CAMTA1: variants seen among roughly 807,000 people sequenced by gnomAD.
CAMTA1 encodes calmodulin-binding transcription activator 1.
In CAMTA1, 27 loss-of-function variants were observed where a neutral mutation model predicts 170.9. The ratio of observed to expected loss-of-function variants is 0.16; its 90% CI spans 0.12 to 0.22. CAMTA1 has a LOEUF of 0.22. CAMTA1 is among the 10% of genes least tolerant of loss of function. CAMTA1 has a pLI of 1.00. For synonymous variants in CAMTA1, 833 were observed against 891.5 expected (o/e 0.93, Z 1.17); for missense variants, 1,619 against 2,217.2 (o/e 0.73, Z 5.42).
intron 6 of CAMTA1, among the ~76,000 whole-genome samples, chr1:7,507,802 G>A (rs2149853707): frequency 6.6e-6 from 1 of 152,316 alleles, no homozygotes; most frequent in Non-Finnish European, 1.5e-5. Context: ...CTCTGAGCGG[G>A]CAGCCTCTGC....
chr1:7,708,167 C>CA (rs1346870963), intron 11 of CAMTA1, among the ~76,000 whole-genome samples: 1 of 150,540 alleles, frequency 6.6e-6, no homozygotes, highest in African/African-American at 2.5e-5. Flanking sequence ...CCCGTCTCTA[C>CA]AAAAAATACA....
intron 3 of CAMTA1, among the ~76,000 whole-genome samples, chr1:7,071,344 A>G (rs751188037): frequency 6.6e-6 from 1 of 152,240 alleles, no homozygotes; most frequent in Non-Finnish European, 1.5e-5. Flanking sequence ...TTTTTTTGGT[A>G]CAGACATTGA....
chr1:7,556,423 C>T (rs771033906), intron 6 of CAMTA1, among the ~76,000 whole-genome samples: 7 of 152,198 alleles, frequency 4.6e-5, no homozygotes, highest in Non-Finnish European at 7.4e-5. Context: ...AATGGCATGA[C>T]GACTGTGCCT....
chr1:7,431,727 C>G (rs1322870334), intron 5 of CAMTA1, among the ~76,000 whole-genome samples: 1 of 152,200 alleles, frequency 6.6e-6, no homozygotes, highest in Non-Finnish European at 1.5e-5. Context: ...CCCCTGCTCC[C>G]TTGCCAAGTG....
intron 3 of CAMTA1, among the ~76,000 whole-genome samples, chr1:6,982,112 T>A (rs1694538665): frequency 6.6e-6 from 1 of 152,202 alleles, no homozygotes; most frequent in Admixed American, 6.5e-5. Context: ...GGCTGCACAG[T>A]GTTAGGAAGC....
intron 6 of CAMTA1, among the ~76,000 whole-genome samples, chr1:7,617,688 C>T (rs2095568391): frequency 6.8e-6 from 1 of 146,272 alleles, no homozygotes; most frequent in South Asian, 2.2e-4. Context: ...TGGTCATGCA[C>T]ACCCACCCCC....
At chr1:7,447,422 G>A (rs1485659315) in intron 5 of CAMTA1, among the ~76,000 whole-genome samples, 1 of 151,592 alleles carries the variant, frequency 6.6e-6, no homozygotes, top group Non-Finnish European at 1.5e-5. Flanking sequence ...TTTGAGTGGG[G>A]GCGGGGTGGG....
At chr1:6,874,790 A>G (rs1421476213) in intron 3 of CAMTA1, among the ~76,000 whole-genome samples, 1 of 152,188 alleles carries the variant, frequency 6.6e-6, no homozygotes, top group Admixed American at 6.5e-5. Flanking sequence ...AGGAAACCTG[A>G]GGGACAGACC....
chr1:7,512,306 T>C (rs1239574740), intron 6 of CAMTA1, among the ~76,000 whole-genome samples: 1 of 152,106 alleles, frequency 6.6e-6, no homozygotes, highest in Non-Finnish European at 1.5e-5. Flanking sequence ...ATCAGTGTTA[T>C]GGGAAAGAAA....
At chr1:7,114,529 G>A (rs527401328) in intron 4 of CAMTA1, among the ~76,000 whole-genome samples, 1 of 152,270 alleles carries the variant, frequency 6.6e-6, no homozygotes, top group Admixed American at 6.5e-5. Context: ...TGCATTCAAA[G>A]CCGTCCTGGG....
In CAMTA1 at chr1:7,701,869, C is replaced by T. The variant is rs553890841; in HGVS notation, c.2914+24136C>T. On this transcript the variant is annotated intron_variant, in intron 11 of 22. Transcript: ENST00000303635. ...AGTGTAACAATATGCTTGAATCATG[C>T]GCGTGCCTTATTCTCTCATCTTCTA... is the stretch of plus-strand genomic sequence containing the variant. Among the ~76,000 whole-genome samples the T allele has an allele frequency of 1.5e-4, 23 of 152,284 alleles. 1 individual carries two copies. In the South Asian group the frequency reaches 2.5e-3, roughly 16 times the overall value.
intron 6 of CAMTA1, among the ~76,000 whole-genome samples, chr1:7,628,750 G>A (rs954671787): frequency 6.6e-6 from 1 of 152,262 alleles, no homozygotes; most frequent in African/African-American, 2.4e-5. Context: ...GCACGTGCTT[G>A]GAGAGGATGG....
chr1:7,247,301 G>A (rs1252126869), intron 4 of CAMTA1, among the ~76,000 whole-genome samples: 1 of 152,238 alleles, frequency 6.6e-6, no homozygotes, highest in African/African-American at 2.4e-5. Flanking sequence ...TTCCTAGGGT[G>A]AGTGCAGTTG....
At chr1:6,951,684 G>A (rs1478058738) in intron 3 of CAMTA1, among the ~76,000 whole-genome samples, 1 of 152,110 alleles carries the variant, frequency 6.6e-6, no homozygotes, top group Non-Finnish European at 1.5e-5. Flanking sequence ...CCGCCTCCTC[G>A]GCCATCGGGC....
chr1:7,489,621 G>C (rs1346462378), intron 6 of CAMTA1, among the ~76,000 whole-genome samples: 1 of 152,208 alleles, frequency 6.6e-6, no homozygotes, highest in African/African-American at 2.4e-5. Context: ...AAGGGACCTG[G>C]TGGCAAGTTA....
At chr1:7,706,753 C>G (rs2096528666) in intron 11 of CAMTA1, among the ~76,000 whole-genome samples, 1 of 152,166 alleles carries the variant, frequency 6.6e-6, no homozygotes, top group South Asian at 2.1e-4. Flanking sequence ...ATGAGGTCGT[C>G]CTGATTAATT....
intron 3 of CAMTA1, among the ~76,000 whole-genome samples, chr1:7,060,876 C>T (rs1299239016): frequency 4.6e-5 from 7 of 152,216 alleles, no homozygotes; most frequent in African/African-American, 2.4e-5. Context: ...CGATTTATGT[C>T]GGTTTTTCTG....
In CAMTA1 at chr1:7,046,426, G is replaced by A. The variant is rs145692478; in HGVS notation, c.235-44878G>A. Among the ~76,000 whole-genome samples, 9 of 152,336 alleles carry A rather than the reference G, an allele frequency of 5.9e-5. No individual in the cohort carries two copies. The East Asian group carries it at 1.7e-3, about 29-fold the overall frequency. ...TGCCGGAGGCTTCCAGAGGGAGGGA[G>A]TGCCACATGGGAGCTGTCCGTGGTT... is the stretch of plus-strand genomic sequence containing the variant. On this transcript the variant is annotated intron_variant, in intron 3 of 22. Coordinates refer to ENST00000303635, the MANE Select transcript of CAMTA1 (RefSeq NM_015215.4).
intron 3 of CAMTA1, among the ~76,000 whole-genome samples, chr1:7,023,603 GT>G (rs879671832): frequency 1.3e-5 from 2 of 151,894 alleles, no homozygotes; most frequent in East Asian, 3.9e-4. Flanking sequence ...GAAACAAGTG[GT>G]TTTTTTTAAA....
Sources: allele counts gnomAD v4.1 joint callset (sites outside exome capture counted in the v4.1 genomes callset), GRCh38; gene constraint gnomAD v4.1.1; transcripts MANE v1.5; gene names NCBI Gene and HGNC (gene_info 2026-07-23, HGNC 2026-07-21).